The following ZNF560 variants were observed in gnomAD, a reference collection of about 807,000 sequenced individuals.
ZNF560 encodes the protein zinc finger protein 560.
In ZNF560, 54 loss-of-function variants were observed where a neutral mutation model predicts 81.8. The ratio of observed to expected loss-of-function variants is 0.66; its 90% CI spans 0.53 to 0.83. ZNF560 has a LOEUF of 0.83. ZNF560 is among the 40% of genes least tolerant of loss of function. The pLI is 0.00. For synonymous variants in ZNF560, 321 were observed against 317.9 expected, an observed-to-expected ratio of 1.01 and a Z score of -0.10; for missense variants, 940 against 932.4, an observed-to-expected ratio of 1.01 and a Z score of -0.11.
chr19:9,448,288 A>G, the ZNF560 span, among the ~76,000 whole-genome samples: 1 of 151,510 alleles, frequency 6.6e-6, no homozygotes, highest in Non-Finnish European at 1.5e-5. Context: ...CTGGAGTGCA[A>G]TGACACGATC....
the ZNF560 span, among the ~76,000 whole-genome samples, chr19:9,503,725 G>C: frequency 5.3e-5 from 8 of 151,896 alleles, no homozygotes; most frequent in East Asian, 7.7e-4. Flanking sequence ...TTTTTGTAGA[G>C]ACAGGGGTTC....
chr19:9,459,609 CG>C, the ZNF560 span, among the ~76,000 whole-genome samples: 1 of 152,058 alleles, frequency 6.6e-6, no homozygotes, highest in Non-Finnish European at 1.5e-5. Flanking sequence ...ATGGAGGCTG[CG>C]AAGTCCCTGA....
chr19:9,451,150 AAG>A, the ZNF560 span, among the ~76,000 whole-genome samples: 1 of 152,330 alleles, frequency 6.6e-6, no homozygotes, highest in African/African-American at 2.4e-5. Context: ...AGAACTGAAA[AAG>A]AGCCCAAATA....
chr19:9,452,088 AAGT>A, the ZNF560 span, among the ~76,000 whole-genome samples: 2 of 152,240 alleles, frequency 1.3e-5, no homozygotes, highest in African/African-American at 4.8e-5. Flanking sequence ...CCAAAAAAAA[AAGT>A]GGGGGGCAGG....
the ZNF560 span, among the ~76,000 whole-genome samples, chr19:9,448,542 G>A: frequency 1.3e-4 from 20 of 151,574 alleles, no homozygotes; most frequent in African/African-American, 3.4e-4. Flanking sequence ...GCCCCTTAAC[G>A]GAGTTCTAAA....
At chr19:9,477,167 A>G (rs993687942) in intron 2 of ZNF560, among the ~76,000 whole-genome samples, 2 of 152,214 alleles carry the variant, frequency 1.3e-5, no homozygotes, top group Non-Finnish European at 2.9e-5. Context: ...AGGGACTGTT[A>G]TATGTTAGAC....
Position 9,468,340 on chromosome 19 carries a change from A to C in ZNF560, c.613-6T>G, listed in dbSNP as rs771898494. ...TCTCCATTTTGGTTTCTTGCCTGTT[A>C]ACACAGGAATGAACAATAAAGGAAG... On this transcript the variant is annotated splice_polypyrimidine_tract_variant and splice_region_variant and intron_variant, in intron 9 of 9. Transcript: ENST00000301480. 51 of 1,576,618 alleles carry C rather than the reference A, an allele frequency of 3.2e-5. 2 individuals are homozygous for C. The highest frequency in any genetic ancestry group is 6.9e-6 in the Non-Finnish European group (8 of 1,164,614).
chr19:9,492,545 A>C (rs2073489370), intron 2 of ZNF560, among the ~76,000 whole-genome samples: 1 of 152,216 alleles, frequency 6.6e-6, no homozygotes, highest in South Asian at 2.1e-4. Flanking sequence ...AACCCATTTC[A>C]CTGCAAAGGA....
Position 9,468,012 on chromosome 19 carries a change from T to C in ZNF560, c.935A>G (p.Lys312Arg), listed in dbSNP as rs955095183. ...IYQSYLEAHR[K>R]TQSGEKLNEW... ...ATTGAGTTTTTCTCCACTCTGAGTT[T>C]TCCTGTGTGCTTCAAGGTATGACTG... Residue 312 changes from lysine (K) to arginine (R), a missense_variant, in exon 10 of 10, where the codon AAA becomes AGA. Transcript: ENST00000301480. The C allele has an allele frequency of 6.2e-7, 1 of 1,614,066 alleles. No individual in the cohort carries two copies. The highest frequency in any genetic ancestry group is 1.3e-5 in the African/African-American group (1 of 74,938).
At chr19:9,491,820 C>T (rs73020161) in intron 2 of ZNF560, among the ~76,000 whole-genome samples, 55,404 of 101,756 alleles carry the variant, frequency 0.54, 13,741 homozygotes, top group Non-Finnish European at 0.58. Context: ...AGCGAGACTC[C>T]GTCTCAAAAA....
chr19:9,492,715 C>T (rs1423450769), intron 2 of ZNF560, among the ~76,000 whole-genome samples: 1 of 152,178 alleles, frequency 6.6e-6, no homozygotes, highest in African/African-American at 2.4e-5. Flanking sequence ...TTCTGTTTCA[C>T]AAGACACAGT....
chr19:9,484,128 T>C (rs2073347806), intron 2 of ZNF560, among the ~76,000 whole-genome samples: 1 of 152,080 alleles, frequency 6.6e-6, no homozygotes, highest in Non-Finnish European at 1.5e-5. Flanking sequence ...CTCCCTAATC[T>C]CAAGTACCCA....
chr19:9,469,732 C>G, intron 7 of ZNF560, 22 bp from the exon 8 acceptor site: 1 of 1,608,902 alleles, frequency 6.2e-7, no homozygotes, highest in Non-Finnish European at 8.5e-7. Context: ...GAAAGATACA[C>G]CAATGGAAGA....
intron 2 of ZNF560, among the ~76,000 whole-genome samples, chr19:9,486,759 G>GA (rs936803340): frequency 0.049 from 7,166 of 146,800 alleles, 579 homozygotes; most frequent in African/African-American, 0.17. Flanking sequence ...AAGAAGAAAA[G>GA]AAAAAAAAAA....
chr19:9,494,871 C>T (rs1332010905), intron 2 of ZNF560, among the ~76,000 whole-genome samples: 4 of 152,054 alleles, frequency 2.6e-5, no homozygotes, highest in African/African-American at 9.7e-5. Flanking sequence ...CACACCACTG[C>T]ACTCCAGACA....
At chr19:9,486,321 C>A (rs1355456025) in intron 2 of ZNF560, among the ~76,000 whole-genome samples, 1 of 152,316 alleles carries the variant, frequency 6.6e-6, no homozygotes, top group East Asian at 1.9e-4. Context: ...AAGCATGACA[C>A]AGCAATACAC....
chr19:9,481,658 C>T (rs1423918570), intron 2 of ZNF560, among the ~76,000 whole-genome samples: 1 of 152,136 alleles, frequency 6.6e-6, no homozygotes, highest in African/African-American at 2.4e-5. Context: ...ATGCAGCCAA[C>T]AGACACATGA....
At chr19:9,460,288 G>A in the ZNF560 span, among the ~76,000 whole-genome samples, 1 of 152,198 alleles carries the variant, frequency 6.6e-6, no homozygotes, top group Non-Finnish European at 1.5e-5. Flanking sequence ...AGATCAAGAA[G>A]CTGTCACAGA....
rs372386086 is a variant in ZNF560 at position 9,466,759 on chromosome 19, G to T, written c.2188C>A (p.His730Asn). ...TTCTCTCCAGTGTGAATTCGCACAT[G>T]ATTAGTAAGATCTGAATGACAAGTG... ...AFTCHSDLTN[H>N]VRIHTGEKPY... The change falls in exon 10 of 10, where the codon CAT becomes AAT. Residue 730 changes from histidine (H) to asparagine (N), a missense_variant. Physicochemically the swap from His to Asn is moderately conservative, Grantham distance 68. Coordinates refer to ENST00000301480, the MANE Select transcript of ZNF560 (RefSeq NM_152476.3). The T allele has an allele frequency of 6.2e-7, 1 of 1,614,106 alleles. No homozygotes were observed.
Sources: allele counts gnomAD v4.1 joint callset (sites outside exome capture counted in the v4.1 genomes callset), GRCh38; gene constraint gnomAD v4.1.1; transcripts MANE v1.5; gene names NCBI Gene and HGNC (gene_info 2026-07-23, HGNC 2026-07-21).